The following DMD variants were observed in gnomAD, a reference collection of about 807,000 sequenced individuals.
The protein encoded by DMD is mutant dystrophin.
Under a neutral mutation model 330.1 loss-of-function variants are expected in DMD, and 63 were observed. The ratio of observed to expected loss-of-function variants is 0.19; its 90% CI spans 0.16 to 0.24. The LOEUF is 0.24. DMD is among the 10% of genes least tolerant of loss of function. The pLI, the probability that DMD is intolerant of heterozygous loss-of-function variation, is 1.00. For synonymous variants in DMD, 1,223 were observed against 959.8 expected (o/e 1.27, Z -5.07); for missense variants, 3,344 against 2,684.1 (o/e 1.25, Z -5.43).
At chrX:32,684,426 C>T (rs2062696814) in intron 9 of DMD, among the ~76,000 whole-genome samples, 1 of 111,264 alleles carries the variant, frequency 9.0e-6, no homozygotes, top group African/African-American at 3.3e-5. Flanking sequence ...ATGGTGATCA[C>T]TATTCAAGTG....
At chrX:32,691,681 A>C (rs2063292381) in intron 9 of DMD, among the ~76,000 whole-genome samples, 1 of 111,727 alleles carries the variant, frequency 9.0e-6, no homozygotes, top group Admixed American at 9.5e-5. Context: ...AATTGAAATC[A>C]GGATCTTGAA....
At chrX:32,876,795 C>CT (rs1603451859) in intron 2 of DMD, among the ~76,000 whole-genome samples, 2 of 112,142 alleles carry the variant, frequency 1.8e-5, no homozygotes, top group African/African-American at 6.5e-5. Context: ...GCTACATTCA[C>CT]TTTTTGACTG....
At chrX:31,357,857 T>A (rs1248049188) in intron 60 of DMD, among the ~76,000 whole-genome samples, 1 of 111,851 alleles carries the variant, frequency 8.9e-6, no homozygotes, top group Non-Finnish European at 1.9e-5. Context: ...AACCGGAAGA[T>A]CTCATCTACT....
chrX:32,696,647 G>T (rs1220298488), intron 9 of DMD, among the ~76,000 whole-genome samples: 1 of 111,259 alleles, frequency 9.0e-6, no homozygotes, highest in Non-Finnish European at 1.9e-5. Context: ...AGGCATTGGA[G>T]AAAACCTAGA....
At chrX:32,859,039 G>T (rs1249578578) in intron 2 of DMD, among the ~76,000 whole-genome samples, 1 of 111,386 alleles carries the variant, frequency 9.0e-6, no homozygotes, top group Non-Finnish European at 1.9e-5. Context: ...CTCCCGTGAG[G>T]TTCAACTGCA....
intron 7 of DMD, among the ~76,000 whole-genome samples, chrX:32,807,181 A>C (rs1459302796): frequency 4.9e-5 from 5 of 101,738 alleles, no homozygotes; most frequent in African/African-American, 1.8e-4. Context: ...TTTTTTTTTG[A>C]AGAGATTAAC....
At chrX:32,521,949 C>A (rs776403655) in intron 17 of DMD, among the ~76,000 whole-genome samples, 14 of 110,694 alleles carry the variant, frequency 1.3e-4, no homozygotes, top group Non-Finnish European at 2.4e-4. Flanking sequence ...TGTTCTTTTC[C>A]ACCGTGTGAG....
At chrX:31,387,072 T>C (rs958589664) in intron 60 of DMD, among the ~76,000 whole-genome samples, 3 of 111,851 alleles carry the variant, frequency 2.7e-5, no homozygotes, top group Admixed American at 9.5e-5. Context: ...ACAAAATCCT[T>C]GGTTGACATT....
chrX:32,144,293 G>A (rs1377790113), intron 44 of DMD, among the ~76,000 whole-genome samples: 1 of 111,564 alleles, frequency 9.0e-6, no homozygotes, highest in African/African-American at 3.3e-5. Flanking sequence ...TTAGAACATG[G>A]ACTGATTTTT....
intron 50 of DMD, among the ~76,000 whole-genome samples, chrX:31,793,364 C>T (rs138045059): frequency 9.0e-6 from 1 of 111,158 alleles, no homozygotes; most frequent in East Asian, 2.8e-4. Context: ...TGCCTCCTGC[C>T]GCTATCAGTA....
At chrX:32,383,072 G>A (rs968017360) in intron 33 of DMD, among the ~76,000 whole-genome samples, 1 of 110,689 alleles carries the variant, frequency 9.0e-6, no homozygotes, top group Non-Finnish European at 1.9e-5. Context: ...GAAATAAAAA[G>A]GGGTTATAGG....
chrX:31,916,697 C>T (rs768521843), intron 47 of DMD, among the ~76,000 whole-genome samples: 5 of 111,697 alleles, frequency 4.5e-5, no homozygotes, highest in African/African-American at 6.5e-5. Flanking sequence ...CTCCTGCCAA[C>T]GCCTCCCACT....
At chrX:32,349,691 A>G (rs575485330) in intron 37 of DMD, among the ~76,000 whole-genome samples, 1 of 112,043 alleles carries the variant, frequency 8.9e-6, no homozygotes, top group East Asian at 2.8e-4. Flanking sequence ...ATCAAATTCT[A>G]TTCATGATGA....
At chrX:31,970,238 G>A (rs1010491137) in intron 44 of DMD, among the ~76,000 whole-genome samples, 1 of 110,291 alleles carries the variant, frequency 9.1e-6, no homozygotes, top group Admixed American at 9.7e-5. Context: ...GAGGAAGAGA[G>A]GAAGGAATGG....
intron 47 of DMD, among the ~76,000 whole-genome samples, chrX:31,916,643 G>A (rs1213407334): frequency 1.8e-5 from 2 of 111,737 alleles, no homozygotes; most frequent in East Asian, 5.6e-4. Flanking sequence ...CAGTGAAAGA[G>A]GGAAAGAAAT....
chrX:32,173,105 GTA>G lies in DMD; in HGVS notation c.6438+43809_6438+43810del, dbSNP rs1557190834. Among the ~76,000 whole-genome samples the G allele has an allele frequency of 4.5e-4, 47 of 104,489 alleles. No homozygotes were observed. The Middle Eastern group carries it at 0.014, about 31-fold the overall frequency. 90.7% of individuals were successfully genotyped at this position (104,489 alleles called of 115,157 possible). A position where few individuals can be genotyped will look rare whatever the true frequency, so the allele number is the denominator to read the frequency against. The stretch of plus-strand genomic sequence containing the variant: ...TGTGTGTGTGTGTGTGTGTGTGTGT[GTA>G]TGTGTGTACTTTTACATTTTCAGCA... On this transcript the variant is annotated intron_variant, in intron 44 of 78. Transcript: ENST00000357033.
chrX:32,100,632 T>C (rs1158958760), intron 44 of DMD, among the ~76,000 whole-genome samples: 1 of 110,976 alleles, frequency 9.0e-6, no homozygotes, highest in East Asian at 2.9e-4. Context: ...TATTAAAATA[T>C]TGTTCACCTT....
chrX:32,306,036 A>G (rs931404605), intron 42 of DMD, among the ~76,000 whole-genome samples: 9 of 102,702 alleles, frequency 8.8e-5, no homozygotes, highest in Admixed American at 3.1e-4. Context: ...TATCCCCTTA[A>G]CAGATTCTGG....
chrX:32,372,433 C>T (rs921449442), intron 34 of DMD, among the ~76,000 whole-genome samples: 1 of 111,724 alleles, frequency 9.0e-6, no homozygotes, highest in African/African-American at 3.2e-5. Context: ...TATTCAAACT[C>T]TTCAGGTGCT....
Sources: allele counts gnomAD v4.1 joint callset (sites outside exome capture counted in the v4.1 genomes callset), GRCh38; gene constraint gnomAD v4.1.1; transcripts MANE v1.5; gene names NCBI Gene and HGNC (gene_info 2026-07-23, HGNC 2026-07-21).